PHF24: variants seen among roughly 807,000 people sequenced by gnomAD.
The protein encoded by PHF24 is Galpha inhibitory interacting protein.
Under a neutral mutation model 42.6 loss-of-function variants are expected in PHF24, and 25 were observed. That is an observed-to-expected ratio of 0.59 (90% CI 0.43 to 0.82). The LOEUF is 0.82. PHF24 is among the 40% of genes least tolerant of loss of function. The pLI is 0.00. For missense variants in PHF24, 470 were observed against 538.1 expected, an observed-to-expected ratio of 0.87 and a Z score of 1.25; for synonymous variants, 185 against 204.8, an observed-to-expected ratio of 0.90 and a Z score of 0.83.
At chr9:34,797,256 G>A in the PHF24 span, among the ~76,000 whole-genome samples, 3 of 152,144 alleles carry the variant, frequency 2.0e-5, no homozygotes, top group South Asian at 2.1e-4. Context: ...GCCCCAGTGG[G>A]TATGTATTAC....
the PHF24 span, among the ~76,000 whole-genome samples, chr9:34,707,625 G>A: frequency 6.6e-6 from 1 of 152,212 alleles, no homozygotes; most frequent in East Asian, 1.9e-4. Context: ...TAGGATAGGT[G>A]GTAAGTGCTG....
At chr9:34,858,591 G>A in the PHF24 span, among the ~76,000 whole-genome samples, 5 of 152,210 alleles carry the variant, frequency 3.3e-5, no homozygotes, top group African/African-American at 9.7e-5. Flanking sequence ...TGAAGCCTGT[G>A]TCTGTTGGTG....
chr9:34,841,678 T>G, the PHF24 span, among the ~76,000 whole-genome samples: 3 of 152,098 alleles, frequency 2.0e-5, no homozygotes, highest in Non-Finnish European at 4.4e-5. Flanking sequence ...TCAAACATGG[T>G]GAAACCCTGT....
At chr9:34,773,288 C>T in the PHF24 span, among the ~76,000 whole-genome samples, 1 of 152,196 alleles carries the variant, frequency 6.6e-6, no homozygotes, top group Non-Finnish European at 1.5e-5. Context: ...CCGTGCCCGG[C>T]CCAGAGTTTG....
the PHF24 span, among the ~76,000 whole-genome samples, chr9:34,830,242 C>T: frequency 6.6e-6 from 1 of 152,228 alleles, no homozygotes; most frequent in East Asian, 1.9e-4. Context: ...CTAAAAGTTA[C>T]AAAAACACTT....
At chr9:34,863,687 C>T in the PHF24 span, among the ~76,000 whole-genome samples, 3 of 152,102 alleles carry the variant, frequency 2.0e-5, no homozygotes, top group African/African-American at 7.2e-5. Flanking sequence ...ACCAACAAGC[C>T]CAGACTGCAG....
At chr9:34,735,929 A>G in the PHF24 span, among the ~76,000 whole-genome samples, 2 of 152,164 alleles carry the variant, frequency 1.3e-5, no homozygotes, top group Admixed American at 1.3e-4. Context: ...TGGAAATGGT[A>G]GGCAGCCTTC....
At chr9:34,712,557 T>C in the PHF24 span, among the ~76,000 whole-genome samples, 1 of 152,282 alleles carries the variant, frequency 6.6e-6, no homozygotes, top group African/African-American at 2.4e-5. Flanking sequence ...CCCTAGTGAA[T>C]TGTACATTTC....
chr9:34,832,416 TC>T, the PHF24 span: 1 of 1,260,118 alleles, frequency 7.9e-7, no homozygotes, highest in Non-Finnish European at 1.1e-6. Context: ...AAGCTTATTG[TC>T]TAGGGACTGG....
the PHF24 span, among the ~76,000 whole-genome samples, chr9:34,740,222 C>T: frequency 8.5e-5 from 13 of 152,206 alleles, no homozygotes; most frequent in South Asian, 4.1e-4. Context: ...TGCCAGTCCC[C>T]GGCCGTGCGC....
the PHF24 span, among the ~76,000 whole-genome samples, chr9:34,867,919 C>T: frequency 2.5e-3 from 380 of 152,266 alleles, no homozygotes; most frequent in African/African-American, 8.7e-3. Flanking sequence ...AGAGGATATG[C>T]ATTTTCAAAG....
chr9:34,954,591 C>T (rs890069422), upstream of PHF24, among the ~76,000 whole-genome samples: 8 of 152,164 alleles, frequency 5.3e-5, no homozygotes, highest in Non-Finnish European at 4.4e-5. Flanking sequence ...ATTCTGATTT[C>T]CCCCCACAGT....
chr9:34,837,894 C>G, the PHF24 span, among the ~76,000 whole-genome samples: 7 of 152,296 alleles, frequency 4.6e-5, no homozygotes, highest in South Asian at 2.1e-4. Flanking sequence ...TCACTTGGAG[C>G]CTTTTCCAAA....
chr9:34,875,936 A>C, the PHF24 span, among the ~76,000 whole-genome samples: 1 of 87,788 alleles, frequency 1.1e-5, no homozygotes, highest in African/African-American at 4.6e-5. Context: ...ACACACACAC[A>C]CACACACACA....
chr9:34,972,622 A>T, intron 3 of PHF24, 91 bp downstream of exon 3: 2 of 1,292,732 alleles, frequency 1.5e-6, no homozygotes, highest in South Asian at 3.1e-5. Flanking sequence ...TGACCTAAAG[A>T]ATTTTCCAAT....
chr9:34,921,461 A>G, the PHF24 span, among the ~76,000 whole-genome samples: 3 of 152,348 alleles, frequency 2.0e-5, no homozygotes, highest in African/African-American at 7.2e-5. Flanking sequence ...ATACCAAGCA[A>G]TTCATTTTCC....
the PHF24 span, among the ~76,000 whole-genome samples, chr9:34,700,185 G>A: frequency 2.0e-5 from 3 of 152,194 alleles, no homozygotes; most frequent in Non-Finnish European, 4.4e-5. Flanking sequence ...ATAACACAGG[G>A]TTTTGTAGGC....
Position 34,958,847 on chromosome 9 carries a change from A to G in PHF24, c.-5+446A>G, listed in dbSNP as rs1302935628. Among the ~76,000 whole-genome samples, 1 of 152,184 alleles carries G rather than the reference A, an allele frequency of 6.6e-6. No individual in the cohort carries two copies. Among genetic ancestry groups the G allele is most frequent in the Non-Finnish European group, 1.5e-5 (1 of 67,998 alleles). On this transcript the variant is annotated intron_variant, in intron 1 of 7. Transcript: ENST00000242315. The surrounding 1 kb of genome is among the most constrained non-coding windows in gnomAD (Gnocchi z 4.5). ...AAAGGAGGACCTGAGACTGTGCCCT[A>G]GAACTGTGGGAAGCAACCTCTGACT... is the stretch of plus-strand genomic sequence containing the variant.
chr9:34,693,094 C>T, the PHF24 span, among the ~76,000 whole-genome samples: 1 of 152,190 alleles, frequency 6.6e-6, no homozygotes. Flanking sequence ...AGCCACCGTG[C>T]CTGGCCTTCT....
Sources: allele counts gnomAD v4.1 joint callset (sites outside exome capture counted in the v4.1 genomes callset), GRCh38; gene constraint gnomAD v4.1.1; non-coding constraint Gnocchi (gnomAD v3.1); transcripts MANE v1.5; gene names NCBI Gene and HGNC (gene_info 2026-07-23, HGNC 2026-07-21).